ARID4A: variants seen among roughly 807,000 people sequenced by gnomAD.
ARID4A encodes AT-rich interactive domain-containing protein 4A.
A neutral mutation model predicts 148.6 loss-of-function variants in ARID4A; 39 were observed. That is an observed-to-expected ratio of 0.26 (90% CI 0.20 to 0.34). ARID4A has a LOEUF of 0.34. Ranked by LOEUF, ARID4A falls within the 10% of genes least tolerant of loss-of-function variation. The probability of loss-of-function intolerance (pLI) is 1.00; values close to 1 mark genes in which losing one functional copy is unlikely to be tolerated. For missense variants in ARID4A, 1,265 were observed against 1,449.1 expected, an observed-to-expected ratio of 0.87 and a Z score of 2.06; for synonymous variants, 475 against 481.2, an observed-to-expected ratio of 0.99 and a Z score of 0.17.
intron 14 of ARID4A, 27 bp downstream of exon 14, chr14:58,347,144 G>C (rs748767478): frequency 8.4e-7 from 1 of 1,192,910 alleles, no homozygotes; most frequent in South Asian, 1.5e-5. Flanking sequence ...ATTCATCAAA[G>C]AATATATATT....
rs745853671 is a variant in ARID4A, at chr14:58,364,910, C to T, written c.2821C>T (p.Pro941Ser). ...TCCAGCTGAAGAAACTGTAAATATT[C>T]CACTAAAAGAAGATGAGGATGCAAT... Reference protein sequence around the residue: ...DSPAEETVNIPLKEDEDAMPL... With the variant: ...DSPAEETVNISLKEDEDAMPL... The change falls in exon 20 of 24, where the codon CCA (proline) becomes TCA (serine). Residue 941 changes from proline to serine, a missense_variant. Physicochemically the swap from Pro to Ser is moderately conservative, Grantham distance 74. Around this residue, in one of 9 missense-constraint regions of ARID4A, gnomAD observed 666 missense variants for 730.9 expected, o/e 0.91. Coordinates refer to ENST00000355431, the MANE Select transcript of ARID4A (RefSeq NM_002892.4). 2.1e-5 allele frequency: 34 copies of T among 1,614,076 alleles called. No individual in the cohort carries two copies. The highest frequency in any genetic ancestry group is 2.8e-5 in the Non-Finnish European group (33 of 1,180,006).
At chr14:58,334,176 A>G (rs2033679425) in intron 11 of ARID4A, among the ~76,000 whole-genome samples, 1 of 152,190 alleles carries the variant, frequency 6.6e-6, no homozygotes, top group African/African-American at 2.4e-5. Context: ...ATTTTTATGT[A>G]TTAAGAAAAC....
At chr14:58,317,549 C>A (rs557609215) in intron 5 of ARID4A, among the ~76,000 whole-genome samples, 1 of 151,062 alleles carries the variant, frequency 6.6e-6, no homozygotes, top group African/African-American at 2.4e-5. Flanking sequence ...CCTCGCCTCC[C>A]AAAGTGCTGG....
chr14:58,316,273 C>G (rs1170149784), intron 5 of ARID4A, among the ~76,000 whole-genome samples: 2 of 152,038 alleles, frequency 1.3e-5, no homozygotes, highest in African/African-American at 4.8e-5. Flanking sequence ...AGTACTAAAT[C>G]TTGATAATTG....
intron 5 of ARID4A, among the ~76,000 whole-genome samples, chr14:58,317,049 C>T (rs1437518235): frequency 4.9e-4 from 73 of 149,882 alleles, no homozygotes; most frequent in Middle Eastern, 7.1e-3. Context: ...AAATATTAGC[C>T]GGGCGTGGTG....
At chr14:58,368,213 G>A (rs887918778) in intron 23 of ARID4A, among the ~76,000 whole-genome samples, 7 of 152,200 alleles carry the variant, frequency 4.6e-5, no homozygotes, top group Admixed American at 2.0e-4. Context: ...ATACTGAATA[G>A]TTAGATTGCT....
rs920066296 is a variant in ARID4A, at chr14:58,372,005, C to T, written c.*16C>T. 3.1e-5 allele frequency: 48 copies of T among 1,550,290 alleles called. No individual in the cohort carries two copies. Among genetic ancestry groups the T allele is most frequent in the African/African-American group, 4.1e-5 (3 of 74,006 alleles). On this transcript the variant is annotated 3_prime_UTR_variant, in exon 24 of 24. Coordinates refer to ENST00000355431, the MANE Select transcript of ARID4A (RefSeq NM_002892.4). ...ATGCAGGTGATAAACATTTTCTCTA[C>T]CTTCCCAGCAGTTTGCTGCCATGGA...
chr14:58,359,696 A>G (rs945567157), intron 18 of ARID4A, among the ~76,000 whole-genome samples: 2 of 152,326 alleles, frequency 1.3e-5, no homozygotes, highest in African/African-American at 4.8e-5. Flanking sequence ...CATACACCAT[A>G]TAGCCTTTTT....
intron 17 of ARID4A, among the ~76,000 whole-genome samples, chr14:58,356,086 A>G (rs1305761675): frequency 1.3e-5 from 2 of 152,318 alleles, no homozygotes; most frequent in East Asian, 3.9e-4. Flanking sequence ...GACTCCTGAA[A>G]GGGAGTATCT....
intron 12 of ARID4A, among the ~76,000 whole-genome samples, chr14:58,346,074 A>G (rs551286453): frequency 2.6e-5 from 4 of 151,794 alleles, no homozygotes; most frequent in Non-Finnish European, 5.9e-5. Flanking sequence ...ATTGTTGGCC[A>G]CACCATGCAG....
chr14:58,339,131 C>T (rs947883918), intron 11 of ARID4A, among the ~76,000 whole-genome samples: 1 of 151,220 alleles, frequency 6.6e-6, no homozygotes, highest in African/African-American at 2.4e-5. Flanking sequence ...CCACCATGCC[C>T]GGCTAATTTA....
chr14:58,308,695 G>T, intron 5 of ARID4A, among the ~76,000 whole-genome samples: 1 of 152,140 alleles, frequency 6.6e-6, no homozygotes, highest in East Asian at 1.9e-4. Context: ...TGAACATCCT[G>T]TATTTTTCTT....
At chr14:58,312,750 C>T (rs1252023265) in intron 5 of ARID4A, among the ~76,000 whole-genome samples, 1 of 152,024 alleles carries the variant, frequency 6.6e-6, no homozygotes, top group Non-Finnish European at 1.5e-5. Context: ...TTTGATATCC[C>T]CTTAACTAAA....
chr14:58,299,759 A>C, intron 1 of ARID4A, 39 bp from the exon 2 acceptor site: 3 of 1,558,096 alleles, frequency 1.9e-6, no homozygotes, highest in Non-Finnish European at 2.7e-6. Flanking sequence ...CCCGCAGTTG[A>C]CTGATTATGT....
rs370174907 is a variant in ARID4A, at chr14:58,299,850, C to T, written c.-5C>T. 2 of 1,614,088 alleles carry T rather than the reference C, an allele frequency of 1.2e-6. No homozygotes were observed. The highest frequency in any genetic ancestry group is 1.7e-5 in the Admixed American group (1 of 60,012). The stretch of plus-strand genomic sequence containing the variant: ...GAGCTGGAACCCCACAGATCACCAA[C>T]AAAAATGAAGGTAAGTGGAGTCAAC... On this transcript the variant is annotated 5_prime_UTR_variant, in exon 2 of 24. Transcript: ENST00000355431.
At chr14:58,363,925 C>T (rs562374108) in intron 19 of ARID4A, among the ~76,000 whole-genome samples, 1 of 152,140 alleles carries the variant, frequency 6.6e-6, no homozygotes, top group Admixed American at 6.5e-5. Context: ...TGCAAAATAG[C>T]TTTTCATATA....
Position 58,366,124 on chromosome 14 carries a change from A to G in ARID4A, c.3417A>G (p.Arg1139=), listed in dbSNP as rs1429088364. 6.2e-7 allele frequency: 1 copy of G among 1,613,912 alleles called. No individual in the cohort carries two copies. The highest frequency in any genetic ancestry group is 8.5e-7 in the Non-Finnish European group (1 of 1,179,822). The change falls in exon 22 of 24, where the codon CGA becomes CGG. Residue 1139 remains arginine (R), a synonymous_variant. Transcript: ENST00000355431. ...TATCTAAGCCACAGAAACTTGCACG[A>G]TCTCCTGCAAGAATATCCCCGCACA... ...LNVSKPQKLA[R]SPARISPHIK...
chr14:58,318,529 T>C lies in ARID4A; in HGVS notation c.275-13T>C. 1 of 1,613,228 alleles carries C rather than the reference T, an allele frequency of 6.2e-7. No individual in the cohort carries two copies. Among genetic ancestry groups the C allele is most frequent in the Non-Finnish European group, 8.5e-7 (1 of 1,179,298 alleles). ...GTGTGCATAAATTCTCTGTTATCTTTTGCTTATTATAGTGTTTGATGATGG... is the reference window on the plus strand; with the variant it reads ...GTGTGCATAAATTCTCTGTTATCTTCTGCTTATTATAGTGTTTGATGATGG... On this transcript the variant is annotated splice_polypyrimidine_tract_variant and intron_variant, in intron 5 of 23. Coordinates refer to ENST00000355431, the MANE Select transcript of ARID4A (RefSeq NM_002892.4).
intron 7 of ARID4A, among the ~76,000 whole-genome samples, chr14:58,319,948 CTTTTTTTTT>C (rs1011938946): frequency 1.6e-5 from 2 of 127,186 alleles, no homozygotes; most frequent in Admixed American, 8.0e-5. Context: ...TTTTTCTTTT[CTTTTTTTTT>C]TTTTTTTTTG....
Sources: gnomAD v4.1 joint callset for allele counts (sites outside exome capture counted in the v4.1 genomes callset) on GRCh38, gnomAD v4.1.1 for gene constraint, gnomAD v4.1.1 regional missense constraint, MANE v1.5 for transcripts, NCBI Gene and HGNC (gene_info 2026-07-23, HGNC 2026-07-21) for gene names.